Variants in RGS5 observed in about 807,000 individuals in gnomAD.
RGS5 encodes the protein regulator of G-protein signalling 5.
RGS5 carries 20 observed loss-of-function variants against 18.9 expected under a neutral mutation model. The ratio of observed to expected loss-of-function variants is 1.06; its 90% confidence interval spans 0.74 to 1.54. The LOEUF is 1.54. Ranked by LOEUF, RGS5 falls within the 40% of genes most tolerant of loss-of-function variation. RGS5 has a pLI of 0.00. For synonymous variants in RGS5, 57 were observed against 76.2 expected (o/e 0.75, Z 1.31); for missense variants, 201 against 211.8 (o/e 0.95, Z 0.32).
In RGS5 at chr1:163,142,707, G is replaced by T. The variant is rs909709881; in HGVS notation, c.*4635C>A. ...GCCTGTGCATTTTTCTAGAAAGGAA[G>T]TTAAATGCTTTTAATGTATTAATTA... On this transcript the variant is annotated 3_prime_UTR_variant, in exon 5 of 5. Transcript: ENST00000313961. 4.6e-5 allele frequency: 7 copies of T among 152,122 alleles called. No homozygotes were observed. Among genetic ancestry groups the T allele is most frequent in the Admixed American group, 6.6e-5 (1 of 15,254 alleles). 9.4% of individuals were successfully genotyped at this position (152,122 alleles called of 1,614,324 possible). A position where few individuals can be genotyped will look rare whatever the true frequency, so the allele number is the denominator to read the frequency against.
chr1:163,261,346 G>C (rs1326113492), intron 2 of RGS5, among the ~76,000 whole-genome samples: 1 of 152,096 alleles, frequency 6.6e-6, no homozygotes, highest in East Asian at 1.9e-4. Flanking sequence ...AAAGACACAA[G>C]AATTCTTGTG....
intron 1 of RGS5, among the ~76,000 whole-genome samples, chr1:163,169,117 G>GT (rs1178170007): frequency 6.6e-6 from 1 of 151,084 alleles, no homozygotes; most frequent in Non-Finnish European, 1.5e-5. Flanking sequence ...GTGCTGTTTG[G>GT]TTTTTTGTCC....
At chr1:163,180,684 C>CTTTTTTTTTT (rs1429373041) in intron 1 of RGS5, among the ~76,000 whole-genome samples, 1 of 81,906 alleles carries the variant, frequency 1.2e-5, no homozygotes, top group South Asian at 4.6e-4. Flanking sequence ...AGCCCTTACC[C>CTTTTTTTTTT]TGTTTTTTTT....
intron 2 of RGS5, among the ~76,000 whole-genome samples, chr1:163,281,667 C>T (rs1648995149): frequency 6.6e-6 from 1 of 152,118 alleles, no homozygotes; most frequent in South Asian, 2.1e-4. Flanking sequence ...CACAACCAAA[C>T]CATATCAAGA....
At chr1:163,235,179 A>C (rs1168164413) in intron 2 of RGS5, among the ~76,000 whole-genome samples, 2 of 152,176 alleles carry the variant, frequency 1.3e-5, no homozygotes, top group Non-Finnish European at 2.9e-5. Flanking sequence ...CTACATTCTC[A>C]TTCAATCAGA....
At chr1:163,201,507 C>G (rs746123939) in intron 1 of RGS5, among the ~76,000 whole-genome samples, 1 of 151,926 alleles carries the variant, frequency 6.6e-6, no homozygotes, top group Non-Finnish European at 1.5e-5. Context: ...ATATTCTATG[C>G]TTTTATTTAA....
At chr1:163,305,566 C>T (rs929126376) in intron 2 of RGS5, among the ~76,000 whole-genome samples, 2 of 152,212 alleles carry the variant, frequency 1.3e-5, no homozygotes, top group Non-Finnish European at 2.9e-5. Context: ...CACTAGTAAG[C>T]TTTCTGCCTG....
At chr1:163,286,846 G>A (rs1479913697) in intron 2 of RGS5, among the ~76,000 whole-genome samples, 1 of 152,092 alleles carries the variant, frequency 6.6e-6, no homozygotes, top group Non-Finnish European at 1.5e-5. Context: ...TTTGAGAGGG[G>A]ATAATGTTAT....
At chr1:163,216,009 G>A (rs911270503) in intron 1 of RGS5, among the ~76,000 whole-genome samples, 3 of 152,178 alleles carry the variant, frequency 2.0e-5, no homozygotes, top group African/African-American at 7.2e-5. Context: ...GAGTCAGGCA[G>A]AAGTCATGTA....
At chr1:163,249,117 C>T (rs1264916762) in intron 2 of RGS5, among the ~76,000 whole-genome samples, 3 of 152,150 alleles carry the variant, frequency 2.0e-5, no homozygotes, top group Non-Finnish European at 2.9e-5. Context: ...GCATGAGGTG[C>T]TCAAATTTCA....
At chr1:163,237,409 G>A (rs898721899) in intron 2 of RGS5, 1 of 152,604 alleles carries the variant, frequency 6.6e-6, no homozygotes, top group Non-Finnish European at 1.5e-5. Context: ...GGGGGCAGGT[G>A]TGGCGGCTCA....
chr1:163,297,527 T>C (rs1238301712), intron 2 of RGS5, among the ~76,000 whole-genome samples: 1 of 151,330 alleles, frequency 6.6e-6, no homozygotes, highest in Middle Eastern at 3.3e-3. Flanking sequence ...ATACTTTTCC[T>C]AGCCATCTCC....
At chr1:163,259,318 A>ATTTT (rs147396685) in intron 2 of RGS5, among the ~76,000 whole-genome samples, 1 of 146,774 alleles carries the variant, frequency 6.8e-6, no homozygotes, top group Non-Finnish European at 1.5e-5. Context: ...TGCCCGGCTA[A>ATTTT]TTTTTTTTTT....
At chr1:163,276,396 T>C (rs1036809336) in intron 2 of RGS5, among the ~76,000 whole-genome samples, 1 of 152,192 alleles carries the variant, frequency 6.6e-6, no homozygotes. Flanking sequence ...TGACAACATT[T>C]ACTGGGTACA....
chr1:163,178,918 C>T (rs542910246), intron 1 of RGS5, among the ~76,000 whole-genome samples: 1 of 152,280 alleles, frequency 6.6e-6, no homozygotes, highest in East Asian at 1.9e-4. Flanking sequence ...CAAGCAATAT[C>T]ATAAGATACT....
chr1:163,166,349 C>A (rs751388752), intron 2 of RGS5, among the ~76,000 whole-genome samples: 2 of 151,928 alleles, frequency 1.3e-5, no homozygotes, highest in African/African-American at 2.4e-5. Context: ...TTTAAAAAAA[C>A]GGATTCTACT....
intron 2 of RGS5, among the ~76,000 whole-genome samples, chr1:163,303,044 G>A (rs1649592207): frequency 6.6e-6 from 1 of 152,122 alleles, no homozygotes; most frequent in African/African-American, 2.4e-5. Flanking sequence ...GCTTCTAACT[G>A]AAGCTAACAT....
rs1026995196 is a variant in RGS5, at chr1:163,180,686, G to GTTTTTTTTTTTTTTTTTTTTTTTTTTTTT, written c.45-12319_45-12318insAAAAAAAAAAAAAAAAAAAAAAAAAAAAA. Among the ~76,000 whole-genome samples the GTTTTTTTTTTTTTTTTTTTTTTTTTTTTT allele has an allele frequency of 2.6e-4, 16 of 61,982 alleles. 3 individuals carry two copies. The highest frequency in any genetic ancestry group is 8.7e-4 in the East Asian group (2 of 2,302). 40.7% of individuals were successfully genotyped at this position (61,982 alleles called of 152,430 possible). ...CCCTTTGTAATAAAGCCCTTACCCTGTTTTTTTTTTTTTTTTTTTTTTTTT... is the reference window on the plus strand; with the variant it reads ...CCCTTTGTAATAAAGCCCTTACCCTGTTTTTTTTTTTTTTTTTTTTTTTTTTTTTTTTTTTTTTTTTTTTTTTTTTTTTT... On this transcript the variant is annotated intron_variant, in intron 1 of 4. Coordinates refer to ENST00000313961, the MANE Select transcript of RGS5 (RefSeq NM_003617.4).
chr1:163,222,280 T>C (rs1158786505), upstream of RGS5, among the ~76,000 whole-genome samples: 1 of 152,078 alleles, frequency 6.6e-6, no homozygotes, highest in African/African-American at 2.4e-5. Flanking sequence ...CATAGGAGCA[T>C]GAACTCTATT....
Sources: gnomAD v4.1 joint callset for allele counts (sites outside exome capture counted in the v4.1 genomes callset) on GRCh38, gnomAD v4.1.1 for gene constraint, MANE v1.5 for transcripts, NCBI Gene and HGNC (gene_info 2026-07-23, HGNC 2026-07-21) for gene names.